SLC38A7: variants seen among roughly 807,000 people sequenced by gnomAD.
SLC38A7 encodes the protein sodium-coupled neutral amino acid transporter 7.
Under a neutral mutation model 50.1 loss-of-function variants are expected in SLC38A7, and 29 were observed. The ratio of observed to expected loss-of-function variants is 0.58; its 90% CI spans 0.43 to 0.79. The LOEUF (loss-of-function observed/expected upper bound fraction) is 0.79, where lower values mean the gene tolerates loss of function less well. Ranked by LOEUF, SLC38A7 falls within the 30% of genes least tolerant of loss-of-function variation. The probability of loss-of-function intolerance (pLI) is 0.00; values close to 1 mark genes in which losing one functional copy is unlikely to be tolerated. For synonymous variants in SLC38A7, 244 were observed against 245.9 expected, an observed-to-expected ratio of 0.99 and a Z score of 0.07; for missense variants, 483 against 610.6, an observed-to-expected ratio of 0.79 and a Z score of 2.20.
chr16:58,670,013 G>T, intron 11 of SLC38A7, 100 bp downstream of exon 11: 3 of 991,608 alleles, frequency 3.0e-6, no homozygotes, highest in Non-Finnish European at 4.5e-6. Context: ...TGATTTCTAA[G>T]TACACAAGCC....
intron 2 of SLC38A7, among the ~76,000 whole-genome samples, chr16:58,682,631 T>A (rs931372311): frequency 2.7e-5 from 4 of 150,458 alleles, no homozygotes; most frequent in Non-Finnish European, 4.4e-5. Context: ...AGCTAACTTT[T>A]AAAATTTTTT....
intron 2 of SLC38A7, chr16:58,683,727 G>A (rs539268910): frequency 1.3e-5 from 2 of 152,476 alleles, no homozygotes; most frequent in East Asian, 3.9e-4. Flanking sequence ...CACAAGGCTT[G>A]GTGCGGCTTC....
Position 58,670,174 on chromosome 16 carries a change from G to A in SLC38A7, c.1232-7C>T, listed in dbSNP as rs2044132587. 6.2e-7 allele frequency: 1 copy of A among 1,614,144 alleles called. No homozygotes were observed. Among genetic ancestry groups the A allele is most frequent in the African/African-American group, 1.3e-5 (1 of 75,060 alleles). On this transcript the variant is annotated splice_polypyrimidine_tract_variant and splice_region_variant and intron_variant, in intron 10 of 11. Coordinates refer to ENST00000219320, the MANE Select transcript of SLC38A7 (RefSeq NM_018231.3). ...GCTTGAATGAGGCACAGCCCTGAAA[G>A]AGAAGAAGTGGCCCTGAGCATTTGT...
rs1239597743 is a variant in SLC38A7, at chr16:58,672,174, T to C, written c.953A>G (p.Asp318Gly). 8 of 1,570,274 alleles carry C rather than the reference T, an allele frequency of 5.1e-6. No homozygotes were observed. Among genetic ancestry groups the C allele is most frequent in the African/African-American group, 1.4e-5 (1 of 73,840 alleles). Residue 318 changes from aspartate to glycine, a missense_variant, in exon 9 of 12, where the codon GAC (aspartate) becomes GGC (glycine). Asp to Gly is a moderately conservative substitution (Grantham distance 94, BLOSUM62 -1). Transcript: ENST00000219320. Reference protein sequence around the residue: ...PDVLLSYPSEDMAVAVARAFI... With the variant: ...PDVLLSYPSEGMAVAVARAFI... ...GGCTCGGGCAACGGCCACGGCCATG[T>C]CCTCCGAGGGATAGGACAGGAGCAC...
intron 9 of SLC38A7, 115 bp downstream of exon 9, chr16:58,671,981 T>A: frequency 7.7e-7 from 1 of 1,296,446 alleles, no homozygotes; most frequent in African/African-American, 1.5e-5. Flanking sequence ...ACCGACTCTT[T>A]TCTACAGGCT....
Position 58,679,942 on chromosome 16 carries a change from T to G in SLC38A7, c.185A>C (p.Asn62Thr). 6.2e-7 allele frequency: 1 copy of G among 1,611,900 alleles called. No individual in the cohort carries two copies. Among genetic ancestry groups the G allele is most frequent in the Non-Finnish European group, 8.5e-7 (1 of 1,178,566 alleles). Residue 62 changes from asparagine to threonine, a missense_variant, in exon 3 of 12, where the codon AAC becomes ACC. Coordinates refer to ENST00000219320, the MANE Select transcript of SLC38A7 (RefSeq NM_018231.3). ...STLGAIFIVV[N>T]ACLGAGLLNF... ...GAGTAACCCTGCACCCAGGCACGCG[T>G]TGACGACGATGAAGATGGCCCCAAG... is the stretch of plus-strand genomic sequence containing the variant.
intron 2 of SLC38A7, among the ~76,000 whole-genome samples, chr16:58,680,882 T>C (rs2044375315): frequency 6.6e-6 from 1 of 152,186 alleles, no homozygotes; most frequent in South Asian, 2.1e-4. Flanking sequence ...ATTCATCCCA[T>C]GCTTCTAATG....
At position 58,677,222 on chromosome 16, in the gene SLC38A7, G is replaced by A. The variant is rs532286854; in HGVS notation, c.710+104C>T. The A allele has an allele frequency of 5.9e-5, 54 of 915,906 alleles. No individual in the cohort carries two copies. The Admixed American group carries it at 7.9e-4, about 13-fold the overall frequency. 56.7% of individuals were successfully genotyped at this position (915,906 alleles called of 1,614,324 possible). On this transcript the variant is annotated intron_variant, in intron 6 of 11. Transcript: ENST00000219320. ...CAAGTCAGCCCTGATGAGCTCATGA[G>A]CCTTGAGAAGAGCACCTGTGTGGCC...
At chr16:58,671,885 A>C (rs565393338) in intron 9 of SLC38A7, 32 of 483,236 alleles carry the variant, frequency 6.6e-5, no homozygotes, top group Admixed American at 5.6e-4. Flanking sequence ...AGAGATTCTT[A>C]CAGGACTCAC....
intron 8 of SLC38A7, among the ~76,000 whole-genome samples, chr16:58,675,632 C>T (rs1339090551): frequency 6.6e-6 from 1 of 152,202 alleles, no homozygotes; most frequent in African/African-American, 2.4e-5. Context: ...GCATGACTGT[C>T]TCTCCAACAA....
rs1375597060 is a variant in SLC38A7, at chr16:58,671,032, C to T, written c.1231+13G>A. ...GCTGTGGGGCTGTGAGATGGGGCGC[C>T]AGGGGTCCGCACCTGGGAAGACGAA... On this transcript the variant is annotated intron_variant, in intron 10 of 11. Coordinates refer to ENST00000219320, the MANE Select transcript of SLC38A7 (RefSeq NM_018231.3). 1.3e-6 allele frequency: 2 copies of T among 1,573,698 alleles called. No homozygotes were observed. The highest frequency in any genetic ancestry group is 4.8e-5 in the East Asian group (2 of 41,992).
At chr16:58,674,388 C>G (rs1399151531) in intron 8 of SLC38A7, among the ~76,000 whole-genome samples, 1 of 151,920 alleles carries the variant, frequency 6.6e-6, no homozygotes, top group African/African-American at 2.4e-5. Flanking sequence ...GCGATCCTCC[C>G]ACCTCAGCCT....
Position 58,679,868 on chromosome 16 carries a change from C to T in SLC38A7, c.259G>A (p.Ala87Thr), listed in dbSNP as rs377080241. 8.1e-6 allele frequency: 13 copies of T among 1,613,666 alleles called. No homozygotes were observed. The highest frequency in any genetic ancestry group is 2.2e-5 in the East Asian group (1 of 44,896). ...STAGGVAAGI[A>T]LQMGMLVFII... ...GCCAGTGCACTCACCATCTGCAGTGCGATGCCTGCTGCCACGCCCCCCGCA... is the reference window on the plus strand; with the variant it reads ...GCCAGTGCACTCACCATCTGCAGTGTGATGCCTGCTGCCACGCCCCCCGCA... The change falls in exon 3 of 12, where the codon GCA (alanine) becomes ACA (threonine). Residue 87 changes from alanine (A) to threonine (T), a missense_variant. Physicochemically the swap from Ala to Thr is moderately conservative, Grantham distance 58. Coordinates refer to ENST00000219320, the MANE Select transcript of SLC38A7 (RefSeq NM_018231.3).
At chr16:58,668,899 A>G (rs919954120) in intron 11 of SLC38A7, among the ~76,000 whole-genome samples, 18 of 148,458 alleles carry the variant, frequency 1.2e-4, no homozygotes, top group African/African-American at 4.2e-4. Context: ...CAGCCTCCCG[A>G]GCTAGGACTA....
intron 8 of SLC38A7, among the ~76,000 whole-genome samples, chr16:58,674,805 G>C (rs76494749): frequency 6.6e-6 from 1 of 152,096 alleles, no homozygotes; most frequent in East Asian, 1.9e-4. Flanking sequence ...CAGCTCCTAC[G>C]GTCTATCCGT....
chr16:58,676,180 C>T (rs2044261957), intron 7 of SLC38A7, 109 bp downstream of exon 7: 5 of 1,557,084 alleles, frequency 3.2e-6, no homozygotes, highest in Non-Finnish European at 4.4e-6. Flanking sequence ...TTCCATCCTT[C>T]CCCCCAGGAT....
Position 58,671,225 on chromosome 16 carries a change from A to T in SLC38A7, c.1051T>A (p.Trp351Arg). 2 of 1,613,808 alleles carry T rather than the reference A, an allele frequency of 1.2e-6. No homozygotes were observed. The highest frequency in any genetic ancestry group is 1.7e-6 in the Non-Finnish European group (2 of 1,179,824). Residue 351 changes from tryptophan (W) to arginine (R), a missense_variant, in exon 10 of 12, where the codon TGG becomes AGG. Trp to Arg is a moderately radical substitution (Grantham distance 101). Transcript: ENST00000219320. ...FCGRAVVEGLWLRYQGVPVEE... is the reference protein window; with the variant it reads ...FCGRAVVEGLRLRYQGVPVEE... ...ACTGGCACCCCCTGGTAGCGCAGCCACAGGCCTTCCACCACCGCCCTGCCC... is the reference window on the plus strand; with the variant it reads ...ACTGGCACCCCCTGGTAGCGCAGCCTCAGGCCTTCCACCACCGCCCTGCCC...
Position 58,666,069 on chromosome 16 carries a change from G to A in SLC38A7, c.*1316C>T, listed in dbSNP as rs2044030531. ...TGACAACCCAGCTGCCTTTTTGTTT[G>A]TTTCTGTTTTTTTGAGATGAAGTTT... On this transcript the variant is annotated 3_prime_UTR_variant, in exon 12 of 12. Coordinates refer to ENST00000219320, the MANE Select transcript of SLC38A7 (RefSeq NM_018231.3). The A allele has an allele frequency of 6.5e-6, 1 of 152,814 alleles. No homozygotes were observed. Among genetic ancestry groups the A allele is most frequent in the Admixed American group, 6.6e-5 (1 of 15,250 alleles). 9.5% of individuals were successfully genotyped at this position (152,814 alleles called of 1,614,324 possible).
rs552784084 is a variant in SLC38A7, at chr16:58,672,961, C to T, written c.884-718G>A. Reference sequence around the variant, plus strand: ...TATTTTTTTGAGATGGAGTTTCACTCTTGTTGCCCAGGCTGGCACGCGGTG... The same window carrying T: ...TATTTTTTTGAGATGGAGTTTCACTTTTGTTGCCCAGGCTGGCACGCGGTG... On this transcript the variant is annotated intron_variant, in intron 8 of 11. Transcript: ENST00000219320. Among the ~76,000 whole-genome samples the T allele has an allele frequency of 6.6e-5, 10 of 151,972 alleles. No individual in the cohort carries two copies. In the South Asian group the frequency reaches 1.9e-3, roughly 28 times the overall value.
Sources: allele counts gnomAD v4.1 joint callset (sites outside exome capture counted in the v4.1 genomes callset), GRCh38; gene constraint gnomAD v4.1.1; transcripts MANE v1.5; gene names NCBI Gene and HGNC (gene_info 2026-07-23, HGNC 2026-07-21).